Variants in RGS12 observed in about 807,000 individuals in gnomAD.
The protein encoded by RGS12 is regulator of G-protein signaling 12.
A neutral mutation model predicts 120.1 loss-of-function variants in RGS12; 66 were observed. The ratio of observed to expected loss-of-function variants is 0.55; its 90% CI spans 0.45 to 0.67. The LOEUF is 0.67. Among genes scored for constraint, RGS12 ranks in the 30% least tolerant of loss-of-function variants. RGS12 has a pLI of 0.00. For synonymous variants in RGS12, 827 were observed against 804.7 expected (o/e 1.03, Z -0.47); for missense variants, 1,859 against 1,957.7 (o/e 0.95, Z 0.95).
At chr4:3,294,938 G>A (rs1411344020) in intron 1 of RGS12, among the ~76,000 whole-genome samples, 2 of 152,178 alleles carry the variant, frequency 1.3e-5, no homozygotes, top group African/African-American at 4.8e-5. Context: ...CTCAGGAGAG[G>A]GCAGGGGTGG....
chr4:3,411,291 C>T (rs933667857), intron 4 of RGS12, among the ~76,000 whole-genome samples: 11 of 142,490 alleles, frequency 7.7e-5, no homozygotes, highest in African/African-American at 2.3e-4. Context: ...CAGGTGACAC[C>T]GATGCTGTCC....
chr4:3,383,528 C>A lies in RGS12; in HGVS notation c.1999-2888C>A, dbSNP rs192955999. Among the ~76,000 whole-genome samples, 1,447 of 152,150 alleles carry A rather than the reference C, an allele frequency of 9.5e-3. 12 individuals are homozygous for A. The highest frequency in any genetic ancestry group is 0.016 in the Non-Finnish European group (1,060 of 68,000). ...GGCTGACATGGGAGGATTGCTCAAA[C>A]CCAGGAGGATTGAGGCTGCAATGAG... On this transcript the variant is annotated intron_variant, in intron 3 of 17. Coordinates refer to ENST00000336727, the MANE Select transcript of RGS12 (RefSeq NM_001394154.1).
At position 3,414,227 on chromosome 4, in the gene RGS12, G is replaced by A; in HGVS notation, c.2176G>A (p.Val726Ile). ...FERLLQDPVG[V>I]RYFSDFLRKE... ...GCGCCTGCTGCAGGACCCCGTCGGT[G>A]TCCGCTACTTCTCTGTGAGTAGGGA... The change falls in exon 5 of 18, where the codon GTC becomes ATC. Residue 726 changes from valine (V) to isoleucine (I), a missense_variant. By Grantham distance (29) the Val-to-Ile change is conservative (BLOSUM62 3). Coordinates refer to ENST00000336727, the MANE Select transcript of RGS12 (RefSeq NM_001394154.1). The A allele has an allele frequency of 1.3e-6, 2 of 1,543,176 alleles. No individual in the cohort carries two copies. Among genetic ancestry groups the A allele is most frequent in the African/African-American group, 2.7e-5 (2 of 73,328 alleles).
chr4:3,376,893 G>T (rs1717756433), intron 3 of RGS12, among the ~76,000 whole-genome samples: 1 of 152,222 alleles, frequency 6.6e-6, no homozygotes, highest in Non-Finnish European at 1.5e-5. Context: ...CTCAGTCTCA[G>T]CCTCTGGCGT....
At chr4:3,362,039 C>T (rs1312234603) in intron 3 of RGS12, among the ~76,000 whole-genome samples, 1 of 152,216 alleles carries the variant, frequency 6.6e-6, no homozygotes, top group Admixed American at 6.5e-5. Flanking sequence ...TCACCCACAG[C>T]AGGCTGCGGC....
At chr4:3,346,357 A>G (rs1302523923) in intron 3 of RGS12, among the ~76,000 whole-genome samples, 1 of 152,188 alleles carries the variant, frequency 6.6e-6, no homozygotes, top group African/African-American at 2.4e-5. Flanking sequence ...AAAGGTAGGC[A>G]TTAAGAGGGG....
chr4:3,434,723 GCGCCAT>G (rs1225041809), intron 17 of RGS12, among the ~76,000 whole-genome samples: 2 of 152,208 alleles, frequency 1.3e-5, no homozygotes, highest in African/African-American at 4.8e-5. Flanking sequence ...CCTTCTGTAC[GCGCCAT>G]CTTAAAACGG....
chr4:3,344,144 C>T (rs1002412842), intron 3 of RGS12, among the ~76,000 whole-genome samples: 2 of 152,208 alleles, frequency 1.3e-5, no homozygotes, highest in Non-Finnish European at 2.9e-5. Flanking sequence ...GCTCCAGCTC[C>T]TGCTCTTCCA....
At chr4:3,430,350 A>G (rs1724131628) in intron 16 of RGS12, 57 bp from the exon 17 acceptor site, 1 of 1,460,434 alleles carries the variant, frequency 6.8e-7, no homozygotes, top group Non-Finnish European at 9.4e-7. Flanking sequence ...TTCTGCGGTG[A>G]CAGTCATTAA....
intron 3 of RGS12, among the ~76,000 whole-genome samples, chr4:3,361,068 C>G (rs1715508442): frequency 6.6e-6 from 1 of 152,218 alleles, no homozygotes; most frequent in South Asian, 2.1e-4. Flanking sequence ...GTGATTTATT[C>G]TTGCAGTGGG....
In RGS12 at chr4:3,390,145, T is replaced by C. The variant is rs1222497727; in HGVS notation, c.2020+3708T>C. Among the ~76,000 whole-genome samples the C allele has an allele frequency of 2.0e-5, 3 of 152,228 alleles. No individual in the cohort carries two copies. Among genetic ancestry groups the C allele is most frequent in the Non-Finnish European group, 4.4e-5 (3 of 68,032 alleles). On this transcript the variant is annotated intron_variant, in intron 4 of 17. Transcript: ENST00000336727. This position sits in a 1 kb window ranked among gnomAD's most constrained non-coding sequence, Gnocchi z 4.6. ...AGAGCCCCTGTTCCCCCAACCATCC[T>C]GCGTCCCACCCTGGTCTCCAATGGT...
intron 13 of RGS12, among the ~76,000 whole-genome samples, chr4:3,425,148 C>T (rs963035265): frequency 6.6e-6 from 1 of 152,210 alleles, no homozygotes; most frequent in Non-Finnish European, 1.5e-5. Flanking sequence ...CAGTATTCCC[C>T]TCATAGCAGT....
intron 3 of RGS12, among the ~76,000 whole-genome samples, chr4:3,361,326 A>G (rs555775315): frequency 2.6e-5 from 4 of 152,118 alleles, no homozygotes; most frequent in African/African-American, 4.8e-5. Flanking sequence ...GCTTCACTTC[A>G]TGATAAACCA....
At chr4:3,288,199 T>G (rs1578651740), upstream of RGS12, among the ~76,000 whole-genome samples, 1 of 143,028 alleles carries the variant, frequency 7.0e-6, no homozygotes, top group South Asian at 2.4e-4. This position sits in a 1 kb window ranked among gnomAD's most constrained non-coding sequence, Gnocchi z 5.2. Context: ...GCCCGGCGGG[T>G]GTGTGGGGTC....
intron 3 of RGS12, among the ~76,000 whole-genome samples, chr4:3,383,075 G>T (rs932164457): frequency 1.3e-5 from 2 of 152,042 alleles, no homozygotes; most frequent in African/African-American, 4.8e-5. Flanking sequence ...GGAAGGATTT[G>T]CATTAATATA....
At position 3,331,585 on chromosome 4, in the gene RGS12, C is replaced by T. The variant is rs991103540; in HGVS notation, c.1882-11352C>T. 6.0e-5 allele frequency among the ~76,000 whole-genome samples: 9 copies of T among 150,060 alleles called. No individual in the cohort carries two copies. In the East Asian group the frequency reaches 1.7e-3, roughly 29 times the overall value. Reference sequence around the variant, plus strand: ...TAGATTTTACGCTGCTTTTCCAGTACAATGAGAGGAAGTTTCAAAATAGAT... The same window carrying T: ...TAGATTTTACGCTGCTTTTCCAGTATAATGAGAGGAAGTTTCAAAATAGAT... On this transcript the variant is annotated intron_variant, in intron 2 of 17. Transcript: ENST00000336727.
At chr4:3,298,356 A>T (rs6829279) in intron 1 of RGS12, among the ~76,000 whole-genome samples, 4 of 150,112 alleles carry the variant, frequency 2.7e-5, no homozygotes, top group South Asian at 4.2e-4. Flanking sequence ...TGTTTGTTCA[A>T]TTTTTTTTTT....
chr4:3,318,994 C>T (rs1346439259), intron 2 of RGS12, among the ~76,000 whole-genome samples: 1 of 152,228 alleles, frequency 6.6e-6, no homozygotes, highest in East Asian at 1.9e-4. Context: ...CTGAGACCAT[C>T]CTAAGAAGAC....
intron 16 of RGS12, 125 bp downstream of exon 16, chr4:3,428,836 G>A: frequency 1.2e-6 from 1 of 820,814 alleles, no homozygotes. Flanking sequence ...TGGCCTGGAA[G>A]ACATGTTTCT....
Sources: allele counts gnomAD v4.1 joint callset (sites outside exome capture counted in the v4.1 genomes callset), GRCh38; gene constraint gnomAD v4.1.1; non-coding constraint Gnocchi (gnomAD v3.1); transcripts MANE v1.5; gene names NCBI Gene and HGNC (gene_info 2026-07-23, HGNC 2026-07-21).